SLC26A7: variants seen among roughly 807,000 people sequenced by gnomAD.
SLC26A7 encodes anion exchange transporter.
Under a neutral mutation model 82.5 loss-of-function variants are expected in SLC26A7, and 59 were observed. The observed-to-expected ratio is 0.72, with a 90% CI of 0.58 to 0.89. The LOEUF (loss-of-function observed/expected upper bound fraction) is 0.89, where lower values mean the gene tolerates loss of function less well. Among genes scored for constraint, SLC26A7 ranks in the 40% least tolerant of loss-of-function variants. The pLI is 0.00. For missense variants in SLC26A7, 820 were observed against 793.0 expected (o/e 1.03, Z -0.41); for synonymous variants, 271 against 274.3 (o/e 0.99, Z 0.12).
intron 8 of SLC26A7, 48 bp from the exon 9 acceptor site, chr8:91,343,305 A>G (rs1813468826): frequency 1.6e-6 from 2 of 1,233,108 alleles, no homozygotes; most frequent in Admixed American, 2.0e-5. Flanking sequence ...TGGTCTCTAA[A>G]AGTCTATTGT....
intron 2 of SLC26A7, among the ~76,000 whole-genome samples, chr8:91,258,025 GACTC>G (rs1291524467): frequency 6.6e-6 from 1 of 151,892 alleles, no homozygotes; most frequent in African/African-American, 2.4e-5. Flanking sequence ...GATCTCATGA[GACTC>G]ACTCATTATC....
At chr8:91,222,486 A>G (rs1810174648) in intron 2 of SLC26A7, among the ~76,000 whole-genome samples, 1 of 152,136 alleles carries the variant, frequency 6.6e-6, no homozygotes, top group Non-Finnish European at 1.5e-5. Flanking sequence ...CCCATTCAAT[A>G]TGATATTTGC....
intron 2 of SLC26A7, among the ~76,000 whole-genome samples, chr8:91,239,705 T>C (rs1475164078): frequency 6.6e-6 from 1 of 152,140 alleles, no homozygotes; most frequent in Non-Finnish European, 1.5e-5. Context: ...TTTCAGTATT[T>C]CAATTCAAGA....
intron 2 of SLC26A7, among the ~76,000 whole-genome samples, chr8:91,268,278 G>C (rs1811168011): frequency 6.6e-6 from 1 of 151,686 alleles, no homozygotes; most frequent in Admixed American, 6.6e-5. Context: ...TCTCCCTTTA[G>C]ATTTATTAAT....
At chr8:91,333,910 TG>T (rs1278073860) in intron 5 of SLC26A7, among the ~76,000 whole-genome samples, 7 of 152,198 alleles carry the variant, frequency 4.6e-5, no homozygotes, top group Non-Finnish European at 8.8e-5. Context: ...TGTTTGCTTC[TG>T]GGGTTTGAGG....
At chr8:91,225,692 G>T (rs1586304444) in intron 2 of SLC26A7, among the ~76,000 whole-genome samples, 1 of 94,854 alleles carries the variant, frequency 1.1e-5, no homozygotes, top group South Asian at 3.8e-4. Flanking sequence ...TTAACCCCAT[G>T]ATCTCAGCTA....
chr8:91,386,502 G>GTGA (rs1814802686), intron 15 of SLC26A7, among the ~76,000 whole-genome samples: 1 of 152,142 alleles, frequency 6.6e-6, no homozygotes, highest in African/African-American at 2.4e-5. Flanking sequence ...ACATCAATTT[G>GTGA]TGTCATCATT....
At chr8:91,307,025 G>T (rs1316156061) in intron 4 of SLC26A7, among the ~76,000 whole-genome samples, 11 of 138,754 alleles carry the variant, frequency 7.9e-5, no homozygotes, top group African/African-American at 3.0e-4. Context: ...AGACATTTAT[G>T]CAGCCAAAAA....
chr8:91,241,179 G>A (rs1442391763), intron 2 of SLC26A7, among the ~76,000 whole-genome samples: 6 of 152,068 alleles, frequency 3.9e-5, no homozygotes, highest in Non-Finnish European at 8.8e-5. Context: ...GTACATTTTT[G>A]TGAAGAAATA....
chr8:91,342,051 C>A (rs1008980900), intron 8 of SLC26A7, among the ~76,000 whole-genome samples: 1 of 152,086 alleles, frequency 6.6e-6, no homozygotes, highest in African/African-American at 2.4e-5. Flanking sequence ...CCTTAGCCTC[C>A]CCAGTAGCTG....
intron 16 of SLC26A7, 42 bp downstream of exon 16, chr8:91,389,480 G>T (rs1255612635): frequency 6.9e-7 from 1 of 1,440,518 alleles, no homozygotes; most frequent in Non-Finnish European, 9.8e-7. Context: ...CTTCCCTTTT[G>T]TTCAGTAACA....
At chr8:91,220,188 G>T (rs1563632382) in intron 2 of SLC26A7, among the ~76,000 whole-genome samples, 1 of 151,900 alleles carries the variant, frequency 6.6e-6, no homozygotes, top group Non-Finnish European at 1.5e-5. Flanking sequence ...CTTTCTAAAG[G>T]CTCCATTAAC....
At chr8:91,286,150 G>A (rs1179982415) in intron 2 of SLC26A7, among the ~76,000 whole-genome samples, 2 of 152,116 alleles carry the variant, frequency 1.3e-5, no homozygotes, top group Non-Finnish European at 2.9e-5. Context: ...GGCCCTTCTT[G>A]GTCTGGGGTC....
intron 15 of SLC26A7, among the ~76,000 whole-genome samples, chr8:91,375,059 CCTGTT>C (rs1814472261): frequency 6.6e-6 from 1 of 151,310 alleles, no homozygotes; most frequent in South Asian, 2.1e-4. Context: ...AATAGAAACT[CCTGTT>C]CTTTTATGTT....
chr8:91,279,491 C>T (rs1424054730), intron 2 of SLC26A7, among the ~76,000 whole-genome samples: 3 of 152,070 alleles, frequency 2.0e-5, no homozygotes, highest in South Asian at 2.1e-4. Context: ...GTCATTCTAA[C>T]GGAGGTGAGG....
At chr8:91,296,993 G>A (rs2130778730) in intron 4 of SLC26A7, among the ~76,000 whole-genome samples, 1 of 152,194 alleles carries the variant, frequency 6.6e-6, no homozygotes, top group South Asian at 2.1e-4. Context: ...TGGATATATT[G>A]CCTTGGATTT....
chr8:91,261,950 G>A (rs886567788), intron 2 of SLC26A7, among the ~76,000 whole-genome samples: 1 of 152,054 alleles, frequency 6.6e-6, no homozygotes, highest in African/African-American at 2.4e-5. Flanking sequence ...CCAGTAGCAT[G>A]GATTAGGAAA....
At chr8:91,358,329 C>CTTTT (rs71273702) in intron 11 of SLC26A7, among the ~76,000 whole-genome samples, 1 of 133,354 alleles carries the variant, frequency 7.5e-6, no homozygotes, top group Admixed American at 7.6e-5. Flanking sequence ...TTTTCTTTTT[C>CTTTT]TTTTTTTTTT....
At position 91,268,632 on chromosome 8, in the gene SLC26A7, T is replaced by C. The variant is rs1811179791; in HGVS notation, c.193+18788T>C. 2.6e-5 allele frequency among the ~76,000 whole-genome samples: 4 copies of C among 151,864 alleles called. No homozygotes were observed. In the South Asian group the frequency reaches 8.3e-4, roughly 31 times the overall value. On this transcript the variant is annotated intron_variant, in intron 2 of 18. Transcript: ENST00000276609. Reference sequence around the variant, plus strand: ...CACTGATAGTGACACACTGTCTGTGTGTCTTTTCATTGAATAATTTAATCC... The same window carrying C: ...CACTGATAGTGACACACTGTCTGTGCGTCTTTTCATTGAATAATTTAATCC...
Sources: allele counts gnomAD v4.1 joint callset (sites outside exome capture counted in the v4.1 genomes callset), GRCh38; gene constraint gnomAD v4.1.1; transcripts MANE v1.5; gene names NCBI Gene and HGNC (gene_info 2026-07-23, HGNC 2026-07-21).